Variants in FGF14 observed in about 807,000 individuals in gnomAD.
FGF14 encodes the protein fibroblast growth factor 14.
FGF14 carries 5 observed loss-of-function variants against 25.5 expected under a neutral mutation model. The ratio of observed to expected loss-of-function variants is 0.20; its 90% CI spans 0.10 to 0.41. The LOEUF is 0.41. FGF14 is among the 10% of genes least tolerant of loss of function. The pLI is 1.00. For missense variants in FGF14, 222 were observed against 320.1 expected (o/e 0.69, Z 2.34); for synonymous variants, 138 against 118.3 (o/e 1.17, Z -1.08).
At chr13:102,238,749 T>C (rs888886119) in intron 1 of FGF14, among the ~76,000 whole-genome samples, 1 of 152,210 alleles carries the variant, frequency 6.6e-6, no homozygotes, top group Non-Finnish European at 1.5e-5. Flanking sequence ...ATGTAATTAG[T>C]TAGAGATTTA....
intron 1 of FGF14, among the ~76,000 whole-genome samples, chr13:101,886,029 C>T (rs1390967914): frequency 2.0e-5 from 3 of 152,108 alleles, no homozygotes; most frequent in African/African-American, 7.2e-5. Context: ...AAAAACTCCT[C>T]CTTTAATTTC....
chr13:102,052,047 A>C (rs907881615), intron 1 of FGF14, among the ~76,000 whole-genome samples: 3 of 152,344 alleles, frequency 2.0e-5, no homozygotes, highest in African/African-American at 7.2e-5. Context: ...CAAAAAGTTT[A>C]ACAGATTAAA....
At chr13:101,773,109 G>T (rs2139982636) in intron 3 of FGF14, among the ~76,000 whole-genome samples, 1 of 152,204 alleles carries the variant, frequency 6.6e-6, no homozygotes, top group African/African-American at 2.4e-5. Context: ...CTTTAGTGAA[G>T]CAGGAGGTGA....
chr13:102,326,597 T>C (rs2056431324), intron 1 of FGF14, among the ~76,000 whole-genome samples: 1 of 126,968 alleles, frequency 7.9e-6, no homozygotes, highest in Non-Finnish European at 1.6e-5. Context: ...CACAAGAAAA[T>C]AGCTCAAAAA....
At chr13:102,122,769 G>A (rs1464692799) in intron 1 of FGF14, among the ~76,000 whole-genome samples, 1 of 152,112 alleles carries the variant, frequency 6.6e-6, no homozygotes, top group Non-Finnish European at 1.5e-5. Context: ...ACTTATTGAG[G>A]ATGTAAATAT....
At chr13:101,948,834 C>G (rs2035980188) in intron 1 of FGF14, among the ~76,000 whole-genome samples, 1 of 152,104 alleles carries the variant, frequency 6.6e-6, no homozygotes, top group African/African-American at 2.4e-5. Context: ...AATGCTAGCT[C>G]AACTTTGCCT....
intron 3 of FGF14, among the ~76,000 whole-genome samples, chr13:101,819,504 A>G (rs2042008190): frequency 6.6e-6 from 1 of 152,174 alleles, no homozygotes; most frequent in African/African-American, 2.4e-5. Context: ...ATTATATTCT[A>G]CCTATCAGTG....
At chr13:101,808,632 C>G (rs2041332003) in intron 3 of FGF14, among the ~76,000 whole-genome samples, 1 of 152,052 alleles carries the variant, frequency 6.6e-6, no homozygotes, top group Admixed American at 6.6e-5. Flanking sequence ...CTTGGCCTCT[C>G]TTGTTGGATA....
intron 3 of FGF14, among the ~76,000 whole-genome samples, chr13:101,749,426 C>T (rs182223677): frequency 1.3e-5 from 2 of 152,116 alleles, no homozygotes; most frequent in East Asian, 1.9e-4. Context: ...CCAAAGGTTA[C>T]ATATTGTCAT....
At chr13:102,285,936 G>A (rs1566901301) in intron 1 of FGF14, among the ~76,000 whole-genome samples, 1 of 152,158 alleles carries the variant, frequency 6.6e-6, no homozygotes, top group Non-Finnish European at 1.5e-5. Context: ...TGGTGAGGAA[G>A]ACTAAGGAGG....
intron 3 of FGF14, among the ~76,000 whole-genome samples, chr13:101,823,802 ATAT>A (rs1377668506): frequency 6.7e-6 from 1 of 149,890 alleles, no homozygotes; most frequent in South Asian, 2.1e-4. Context: ...ATAAAGATAC[ATAT>A]TATATGTACA....
intron 1 of FGF14, among the ~76,000 whole-genome samples, chr13:102,244,469 A>G (rs1203724233): frequency 6.6e-6 from 1 of 151,984 alleles, no homozygotes; most frequent in East Asian, 1.9e-4. Flanking sequence ...AAATGAAAAA[A>G]AAAAAACTTC....
At chr13:101,803,291 G>A (rs2041001346) in intron 3 of FGF14, among the ~76,000 whole-genome samples, 1 of 151,640 alleles carries the variant, frequency 6.6e-6, no homozygotes, top group African/African-American at 2.4e-5. Flanking sequence ...ACTACACTCA[G>A]CTAATTAAAA....
At chr13:101,873,193 G>C (rs2045208878) in intron 2 of FGF14, among the ~76,000 whole-genome samples, 1 of 152,082 alleles carries the variant, frequency 6.6e-6, no homozygotes, top group South Asian at 2.1e-4. Context: ...TTCTGAAGCA[G>C]TATGCTTTTA....
At chr13:101,741,044 T>C (rs1421131471) in intron 3 of FGF14, among the ~76,000 whole-genome samples, 2 of 152,130 alleles carry the variant, frequency 1.3e-5, no homozygotes, top group Non-Finnish European at 2.9e-5. Flanking sequence ...AAGAGGACAA[T>C]GGCCATGATA....
At chr13:101,838,423 T>C (rs2043034141) in intron 3 of FGF14, among the ~76,000 whole-genome samples, 1 of 151,954 alleles carries the variant, frequency 6.6e-6, no homozygotes, top group Non-Finnish European at 1.5e-5. Flanking sequence ...AAGATTTTGC[T>C]CCAGGCACAG....
intron 1 of FGF14, among the ~76,000 whole-genome samples, chr13:102,173,868 T>C (rs1054392382): frequency 2.6e-5 from 4 of 152,010 alleles, no homozygotes; most frequent in Admixed American, 2.6e-4. Context: ...GAAGTTTTAG[T>C]TACACCTGGA....
chr13:101,830,229 GTCA>G (rs2042601920), intron 3 of FGF14, among the ~76,000 whole-genome samples: 1 of 151,964 alleles, frequency 6.6e-6, no homozygotes, highest in African/African-American at 2.4e-5. Context: ...TTTTCTCCAC[GTCA>G]TCATCATCAT....
intron 1 of FGF14, among the ~76,000 whole-genome samples, chr13:102,332,540 T>A (rs1349013687): frequency 1.4e-4 from 22 of 152,178 alleles, no homozygotes; most frequent in Non-Finnish European, 2.9e-5. Flanking sequence ...AAATTCCATT[T>A]TCCCAGAATT....
Sources: gnomAD v4.1 joint callset for allele counts (sites outside exome capture counted in the v4.1 genomes callset) on GRCh38, gnomAD v4.1.1 for gene constraint, MANE v1.5 for transcripts, NCBI Gene and HGNC (gene_info 2026-07-23, HGNC 2026-07-21) for gene names.